LRRC31: variants seen among roughly 807,000 people sequenced by gnomAD.
LRRC31 encodes the protein leucine rich repeat containing 31.
A neutral mutation model predicts 46.7 loss-of-function variants in LRRC31; 35 were observed. The observed-to-expected ratio is 0.75, with a 90% CI of 0.57 to 0.99. The LOEUF (loss-of-function observed/expected upper bound fraction) is 0.99. LRRC31 is among the 50% of genes least tolerant of loss of function. LRRC31 has a pLI of 0.00. For missense variants in LRRC31, 613 were observed against 626.1 expected, an observed-to-expected ratio of 0.98 and a Z score of 0.22; for synonymous variants, 236 against 235.1, an observed-to-expected ratio of 1.00 and a Z score of -0.03.
chr3:169,865,899 C>T (rs1781315205), intron 1 of LRRC31, among the ~76,000 whole-genome samples: 1 of 151,956 alleles, frequency 6.6e-6, no homozygotes, highest in Non-Finnish European at 1.5e-5. Context: ...TCTTTCTAGC[C>T]ACAAAGAACC....
chr3:169,866,288 A>G (rs1250335721), intron 1 of LRRC31, among the ~76,000 whole-genome samples: 2 of 152,298 alleles, frequency 1.3e-5, no homozygotes, highest in African/African-American at 4.8e-5. Context: ...AGGAAGAACC[A>G]GGTGGGAGAG....
At position 169,839,991 on chromosome 3, in the gene LRRC31, C is replaced by CCCA. The variant is rs1466360033; in HGVS notation, c.1647_1649dup (p.Gly550dup). 5.6e-6 allele frequency: 9 copies of CCCA among 1,609,112 alleles called. No individual in the cohort carries two copies. The highest frequency in any genetic ancestry group is 7.6e-6 in the Non-Finnish European group (9 of 1,177,462). ...GACATGGGAAATCAGTTTACTGAAA[C>CCCA]CCACCATGGTCAAAGTGAATGCTTC... On this transcript the variant is annotated inframe_insertion, in exon 9 of 9. Coordinates refer to ENST00000316428, the MANE Select transcript of LRRC31 (RefSeq NM_024727.4).
Position 169,848,288 on chromosome 3 carries a change from C to G in LRRC31, c.1160-1G>C. The G allele has an allele frequency of 6.2e-7, 1 of 1,613,528 alleles. No individual in the cohort carries two copies. On this transcript the variant is annotated splice_acceptor_variant, in intron 7 of 8. Transcript: ENST00000316428. LOFTEE classifies it high-confidence loss of function. ...GCAGAGAGGTGAACAGAGGCTTCAG[C>G]TAAAAGTGATAACAATACGAACAGC...
At chr3:169,858,387 C>G (rs78733965) in intron 3 of LRRC31, among the ~76,000 whole-genome samples, 2,391 of 152,258 alleles carry the variant, frequency 0.016, 65 homozygotes, top group African/African-American at 0.055. Context: ...AGGTTAATCA[C>G]AGAAAATAAG....
Position 169,868,224 on chromosome 3 carries a change from G to C in LRRC31, c.175+1409C>G, listed in dbSNP as rs1781388788. On this transcript the variant is annotated intron_variant, in intron 1 of 8. Transcript: ENST00000316428. ...CCTGCTTTAGCATCCCTGACTTCCTGACTCTCTCTCAAGCACTCTAGGCTC... is the reference window on the plus strand; with the variant it reads ...CCTGCTTTAGCATCCCTGACTTCCTCACTCTCTCTCAAGCACTCTAGGCTC... Among the ~76,000 whole-genome samples, 4 of 152,206 alleles carry C rather than the reference G, an allele frequency of 2.6e-5. 1 individual carries two copies. In the South Asian group the frequency reaches 8.3e-4, roughly 32 times the overall value.
intron 8 of LRRC31, among the ~76,000 whole-genome samples, chr3:169,846,616 C>T (rs1158871855): frequency 1.3e-5 from 2 of 151,772 alleles, no homozygotes; most frequent in Admixed American, 1.3e-4. Context: ...CTACTTCATT[C>T]CAGCCTGGGT....
At chr3:169,843,754 T>C (rs1404991267) in intron 8 of LRRC31, among the ~76,000 whole-genome samples, 2 of 152,118 alleles carry the variant, frequency 1.3e-5, no homozygotes, top group Non-Finnish European at 2.9e-5. Flanking sequence ...GAAACACAAA[T>C]TATCAATATC....
chr3:169,857,432 G>C (rs1781001434), intron 3 of LRRC31, among the ~76,000 whole-genome samples: 1 of 78,780 alleles, frequency 1.3e-5, no homozygotes, highest in Non-Finnish European at 2.6e-5. Context: ...ATATATATGA[G>C]GAATATCACA....
intron 1 of LRRC31, among the ~76,000 whole-genome samples, chr3:169,866,805 C>CA (rs1180380331): frequency 6.6e-6 from 1 of 151,838 alleles, no homozygotes. Context: ...ACTAAAAATA[C>CA]AAAAAAATTA....
intron 7 of LRRC31, among the ~76,000 whole-genome samples, chr3:169,849,920 C>G (rs554978318): frequency 2.0e-5 from 3 of 152,306 alleles, no homozygotes; most frequent in Admixed American, 6.5e-5. Flanking sequence ...TAAGGGCCAG[C>G]CTTACTGGTT....
At chr3:169,844,907 G>C (rs555987055) in intron 8 of LRRC31, among the ~76,000 whole-genome samples, 1 of 144,672 alleles carries the variant, frequency 6.9e-6, no homozygotes, top group Non-Finnish European at 1.5e-5. Flanking sequence ...ACTCCAGCCT[G>C]GTGACAGAAT....
At chr3:169,847,041 T>A (rs571585313) in intron 8 of LRRC31, among the ~76,000 whole-genome samples, 2 of 152,092 alleles carry the variant, frequency 1.3e-5, no homozygotes, top group Non-Finnish European at 2.9e-5. Context: ...TGGCCCTTCA[T>A]TGGGAGGCGC....
Position 169,869,903 on chromosome 3 carries a change from G to T in LRRC31, c.-96C>A. 1 of 1,173,296 alleles carries T rather than the reference G, an allele frequency of 8.5e-7. No homozygotes were observed. Among genetic ancestry groups the T allele is most frequent in the Non-Finnish European group, 1.2e-6 (1 of 859,296 alleles). 72.7% of individuals were successfully genotyped at this position (1,173,296 alleles called of 1,614,324 possible). On this transcript the variant is annotated 5_prime_UTR_variant, in exon 1 of 9. Coordinates refer to ENST00000316428, the MANE Select transcript of LRRC31 (RefSeq NM_024727.4). ...AAGAAAAGAAGATTCTGTCAAGCCT[G>T]TGTTCAATCAAAATATCCTCCCCTA...
intron 3 of LRRC31, among the ~76,000 whole-genome samples, 188 bp downstream of exon 3, chr3:169,860,373 G>A (rs1209287933): frequency 2.6e-5 from 4 of 151,496 alleles, no homozygotes; most frequent in African/African-American, 7.3e-5. Context: ...GACTACAGGA[G>A]CCCACCACCA....
At chr3:169,848,353 T>C in intron 7 of LRRC31, 66 bp from the exon 8 acceptor site, 2 of 1,472,860 alleles carry the variant, frequency 1.4e-6, no homozygotes, top group Non-Finnish European at 1.9e-6. Flanking sequence ...GCTTTGGATT[T>C]GAGGAAACTG....
intron 1 of LRRC31, among the ~76,000 whole-genome samples, chr3:169,868,688 C>T (rs989007677): frequency 1.3e-5 from 2 of 151,940 alleles, no homozygotes; most frequent in Non-Finnish European, 1.5e-5. Context: ...CAGTATTTTC[C>T]CTACATTTTT....
intron 3 of LRRC31, among the ~76,000 whole-genome samples, chr3:169,859,870 C>T (rs1003735922): frequency 6.6e-6 from 1 of 152,092 alleles, no homozygotes; most frequent in South Asian, 2.1e-4. Flanking sequence ...AGGCTGGACA[C>T]GGTGGCTCAC....
At chr3:169,857,184 C>T (rs760932327) in intron 3 of LRRC31, among the ~76,000 whole-genome samples, 1 of 151,402 alleles carries the variant, frequency 6.6e-6, no homozygotes, top group Non-Finnish European at 1.5e-5. Flanking sequence ...TGTGGTGGTT[C>T]ATCTGCTTTC....
At chr3:169,862,215 C>T (rs1781188252) in intron 1 of LRRC31, among the ~76,000 whole-genome samples, 1 of 152,198 alleles carries the variant, frequency 6.6e-6, no homozygotes, top group African/African-American at 2.4e-5. Context: ...TCAAACCAAA[C>T]AGGTGAAGAA....
Sources: gnomAD v4.1 joint callset for allele counts (sites outside exome capture counted in the v4.1 genomes callset) on GRCh38, gnomAD v4.1.1 for gene constraint, MANE v1.5 for transcripts, NCBI Gene and HGNC (gene_info 2026-07-23, HGNC 2026-07-21) for gene names.